Variants in GRM7 observed in about 807,000 individuals in gnomAD.
GRM7 encodes the protein metabotropic glutamate receptor 7.
A neutral mutation model predicts 84.5 loss-of-function variants in GRM7; 35 were observed. The observed-to-expected ratio is 0.41, with a 90% CI of 0.32 to 0.55. GRM7 has a LOEUF of 0.55. Among genes scored for constraint, GRM7 ranks in the 20% least tolerant of loss-of-function variants. The pLI is 0.19. For missense variants in GRM7, 1,003 were observed against 1,194.6 expected (o/e 0.84, Z 2.36); for synonymous variants, 487 against 455.1 (o/e 1.07, Z -0.89).
chr3:7,585,181 G>A (rs1284768574), intron 8 of GRM7, among the ~76,000 whole-genome samples: 1 of 152,174 alleles, frequency 6.6e-6, no homozygotes, highest in Non-Finnish European at 1.5e-5. Flanking sequence ...GGTTGTTGAG[G>A]TCTTGCTTCT....
intron 4 of GRM7, among the ~76,000 whole-genome samples, chr3:7,408,707 G>A (rs1695787563): frequency 6.6e-6 from 1 of 152,132 alleles, no homozygotes; most frequent in East Asian, 1.9e-4. Flanking sequence ...ATGCTAGCGG[G>A]GCTACCTGCG....
chr3:7,468,192 TAGC>T (rs1346676423), intron 7 of GRM7, among the ~76,000 whole-genome samples: 2 of 152,236 alleles, frequency 1.3e-5, no homozygotes, highest in African/African-American at 4.8e-5. Context: ...AGGTATGTAA[TAGC>T]AGCAATCAAG....
At chr3:7,086,704 C>T (rs775481452) in intron 1 of GRM7, among the ~76,000 whole-genome samples, 4 of 152,136 alleles carry the variant, frequency 2.6e-5, no homozygotes, top group Non-Finnish European at 5.9e-5. Flanking sequence ...GAGCAGAAAG[C>T]AGCAAGACTT....
At chr3:7,696,941 T>C (rs183565428) in intron 9 of GRM7, among the ~76,000 whole-genome samples, 1 of 152,294 alleles carries the variant, frequency 6.6e-6, no homozygotes, top group East Asian at 1.9e-4. Flanking sequence ...AAAAGATATT[T>C]AATCCCAGTT....
chr3:7,004,708 T>A (rs1205050504), intron 1 of GRM7, among the ~76,000 whole-genome samples: 7 of 152,226 alleles, frequency 4.6e-5, no homozygotes, highest in Admixed American at 1.3e-4. Context: ...CTCTTTCTTT[T>A]CAATTTATTG....
intron 7 of GRM7, among the ~76,000 whole-genome samples, chr3:7,534,273 C>T (rs1701157972): frequency 6.6e-6 from 1 of 152,136 alleles, no homozygotes; most frequent in African/African-American, 2.4e-5. Context: ...TTCAGCCTCC[C>T]AAAGTGCTGT....
At chr3:7,229,739 ATATATATATATATATATATATTTTTT>A (rs1697108845) in intron 2 of GRM7, among the ~76,000 whole-genome samples, 4 of 26,250 alleles carry the variant, frequency 1.5e-4, no homozygotes, top group African/African-American at 5.7e-4. Context: ...ATATATATAT[ATATATATATATATATATATATTTTTT>A]TTTTTTTTTG....
rs563358978 is a variant in GRM7, at chr3:7,013,904, T to C, written c.520-132548T>C. On this transcript the variant is annotated intron_variant, in intron 1 of 9. Transcript: ENST00000357716. ...TTGGTAATTAATTTGTTAAAGAATC[T>C]GCATCATTTTGCGTAAATTTTTTCA... Among the ~76,000 whole-genome samples the C allele has an allele frequency of 2.0e-5, 3 of 152,368 alleles. No individual in the cohort carries two copies. In the East Asian group the frequency reaches 5.8e-4, roughly 29 times the overall value.
In GRM7 at chr3:6,972,399, G is replaced by C. The variant is rs565838090; in HGVS notation, c.519+110492G>C. 1.4e-4 allele frequency among the ~76,000 whole-genome samples: 22 copies of C among 152,196 alleles called. No individual in the cohort carries two copies. The South Asian group carries it at 4.6e-3, about 32-fold the overall frequency. ...CTTCTGATAGAGCGCAGAAGGTAAG[G>C]GTAAAGGACGAGAAAATGTCTTTCT... On this transcript the variant is annotated intron_variant, in intron 1 of 9. Transcript: ENST00000357716.
intron 1 of GRM7, among the ~76,000 whole-genome samples, chr3:7,110,689 A>G (rs1325558419): frequency 6.6e-6 from 1 of 151,948 alleles, no homozygotes; most frequent in Non-Finnish European, 1.5e-5. Context: ...ATTTCCATTC[A>G]TAAAACTTTA....
chr3:7,622,731 A>C (rs747211570), intron 8 of GRM7, among the ~76,000 whole-genome samples: 4 of 152,120 alleles, frequency 2.6e-5, no homozygotes, highest in Non-Finnish European at 4.4e-5. Context: ...GGTGTCTCAC[A>C]CTGGAACTTG....
At chr3:7,104,281 G>T (rs764516885) in intron 1 of GRM7, among the ~76,000 whole-genome samples, 12 of 151,360 alleles carry the variant, frequency 7.9e-5, no homozygotes, top group East Asian at 3.9e-4. Context: ...AGACCAAAAA[G>T]GTTGACCTCT....
chr3:6,939,190 T>C (rs1373478291), intron 1 of GRM7, among the ~76,000 whole-genome samples: 1 of 152,192 alleles, frequency 6.6e-6, no homozygotes, highest in Admixed American at 6.5e-5. Flanking sequence ...ACTTGATCTA[T>C]ACATATAGAA....
At chr3:6,930,373 G>T (rs564869018) in intron 1 of GRM7, among the ~76,000 whole-genome samples, 1 of 152,288 alleles carries the variant, frequency 6.6e-6, no homozygotes, top group Admixed American at 6.5e-5. Flanking sequence ...CATAGAGTAG[G>T]CAAGAGGTCA....
At chr3:7,076,366 G>C (rs117374074) in intron 1 of GRM7, among the ~76,000 whole-genome samples, 1,633 of 152,250 alleles carry the variant, frequency 0.011, 73 homozygotes, top group Admixed American at 0.081. Flanking sequence ...GGTGGGAGGT[G>C]ATTGGATCAT....
intron 9 of GRM7, among the ~76,000 whole-genome samples, chr3:7,717,369 G>T (rs1688771963): frequency 6.6e-6 from 1 of 151,606 alleles, no homozygotes; most frequent in African/African-American, 2.4e-5. Context: ...AAATCAGGTT[G>T]ATTTAAAAAA....
chr3:7,202,654 T>C (rs1696103976), intron 2 of GRM7, among the ~76,000 whole-genome samples: 1 of 152,128 alleles, frequency 6.6e-6, no homozygotes, highest in Non-Finnish European at 1.5e-5. Context: ...TAAAAACAAA[T>C]AGCGTTCATG....
intron 1 of GRM7, among the ~76,000 whole-genome samples, chr3:7,075,333 T>A (rs1466902466): frequency 1.3e-5 from 2 of 152,212 alleles, no homozygotes; most frequent in African/African-American, 4.8e-5. Flanking sequence ...AGCTGTGTGC[T>A]GCTTTCAGTT....
intron 8 of GRM7, among the ~76,000 whole-genome samples, chr3:7,586,755 C>T (rs1252516596): frequency 6.6e-6 from 1 of 152,036 alleles, no homozygotes; most frequent in Non-Finnish European, 1.5e-5. Context: ...TTGCAGTGGG[C>T]CAAGATTGCA....
Sources: gnomAD v4.1 joint callset for allele counts (sites outside exome capture counted in the v4.1 genomes callset) on GRCh38, gnomAD v4.1.1 for gene constraint, MANE v1.5 for transcripts, NCBI Gene and HGNC (gene_info 2026-07-23, HGNC 2026-07-21) for gene names.